Variants in OR2L3 observed in about 807,000 individuals in gnomAD.
OR2L3 encodes olfactory receptor 2L3.
For missense variants in OR2L3, 369 were observed against 376.6 expected, an observed-to-expected ratio of 0.98 and a Z score of 0.17; for synonymous variants, 131 against 139.1, an observed-to-expected ratio of 0.94 and a Z score of 0.41.
chr1:248,051,869 G>T (rs1358065575), intron 1 of OR2L3, among the ~76,000 whole-genome samples: 2 of 152,078 alleles, frequency 1.3e-5, no homozygotes, highest in Non-Finnish European at 2.9e-5. Flanking sequence ...TTACAATGCA[G>T]ATGGTTCCAG....
chr1:248,054,119 T>A (rs1017928524), intron 1 of OR2L3, among the ~76,000 whole-genome samples: 1 of 152,198 alleles, frequency 6.6e-6, no homozygotes, highest in East Asian at 1.9e-4. Context: ...TAATCCATCT[T>A]GAGTTAATTT....
chr1:248,053,650 C>T (rs1663345438), intron 1 of OR2L3, among the ~76,000 whole-genome samples: 1 of 152,178 alleles, frequency 6.6e-6, no homozygotes, highest in South Asian at 2.1e-4. Context: ...AATTGCCATT[C>T]TGATCGGCAG....
At chr1:248,049,877 A>T (rs1165690486) in intron 1 of OR2L3, among the ~76,000 whole-genome samples, 2 of 152,176 alleles carry the variant, frequency 1.3e-5, no homozygotes, top group Non-Finnish European at 2.9e-5. Context: ...ATTTATCTAG[A>T]TGTCACATTT....
Position 248,060,658 on chromosome 1 carries a change from C to T in OR2L3, c.-21-3C>T. The T allele has an allele frequency of 1.3e-6, 2 of 1,576,284 alleles. No individual in the cohort carries two copies. The highest frequency in any genetic ancestry group is 1.7e-6 in the Non-Finnish European group (2 of 1,152,630). On this transcript the variant is annotated splice_region_variant and splice_polypyrimidine_tract_variant and intron_variant, in intron 1 of 1. Coordinates refer to ENST00000359959, the MANE Select transcript of OR2L3 (RefSeq NM_001004687.2). ...CTTAACTTACCCTTGTGTCTCCCTTCAGGAAAGAGCACACGAATGCCCCAT... is the reference window on the plus strand; with the variant it reads ...CTTAACTTACCCTTGTGTCTCCCTTTAGGAAAGAGCACACGAATGCCCCAT...
intron 1 of OR2L3, among the ~76,000 whole-genome samples, chr1:248,057,493 T>G (rs1335151100): frequency 1.3e-5 from 2 of 152,202 alleles, no homozygotes; most frequent in Non-Finnish European, 2.9e-5. Flanking sequence ...GCTTGGTAAA[T>G]TTTTCTCTAT....
chr1:248,049,121 TC>T (rs748907607), intron 1 of OR2L3, among the ~76,000 whole-genome samples: 2 of 152,178 alleles, frequency 1.3e-5, no homozygotes, highest in Non-Finnish European at 2.9e-5. Context: ...AAGACGACCA[TC>T]CTCCTTGGTT....
At chr1:248,056,220 G>A (rs1293103241) in intron 1 of OR2L3, among the ~76,000 whole-genome samples, 1 of 151,900 alleles carries the variant, frequency 6.6e-6, no homozygotes, top group Middle Eastern at 3.4e-3. Flanking sequence ...TGTGTACAAC[G>A]TGCAGGTTAG....
At chr1:248,054,676 C>A (rs1196338977) in intron 1 of OR2L3, among the ~76,000 whole-genome samples, 4 of 152,054 alleles carry the variant, frequency 2.6e-5, no homozygotes, top group African/African-American at 9.7e-5. Flanking sequence ...TAGCTGTATT[C>A]CCAGGTATTT....
At chr1:248,048,165 T>C (rs566515148) in intron 1 of OR2L3, among the ~76,000 whole-genome samples, 1 of 152,304 alleles carries the variant, frequency 6.6e-6, no homozygotes, top group Non-Finnish European at 1.5e-5. Flanking sequence ...TGTATCTATC[T>C]GTGAGAGCTG....
At chr1:248,052,004 T>C (rs1381923969) in intron 1 of OR2L3, among the ~76,000 whole-genome samples, 1 of 152,198 alleles carries the variant, frequency 6.6e-6, no homozygotes, top group Non-Finnish European at 1.5e-5. Flanking sequence ...ATGATGACTT[T>C]ATGCAGATAT....
rs1663659870 is a variant in OR2L3 at position 248,061,934 on chromosome 1, G to A, written c.*314G>A. The A allele has an allele frequency of 1.9e-5, 4 of 215,728 alleles. No homozygotes were observed. Among genetic ancestry groups the A allele is most frequent in the Non-Finnish European group, 3.7e-5 (4 of 108,896 alleles). 13.4% of individuals were successfully genotyped at this position (215,728 alleles called of 1,614,324 possible). ...TTGGTCTAACTGAAGTTGGCACTCA[G>A]CATAACAATTTCCTTATGGTCAGTT... On this transcript the variant is annotated 3_prime_UTR_variant, in exon 2 of 2. Transcript: ENST00000359959.
intron 1 of OR2L3, among the ~76,000 whole-genome samples, chr1:248,050,451 C>T (rs553341286): frequency 6.6e-6 from 1 of 152,134 alleles, no homozygotes; most frequent in African/African-American, 2.4e-5. Flanking sequence ...GCTTTCCTGT[C>T]AGGAACCAGC....
intron 1 of OR2L3, among the ~76,000 whole-genome samples, chr1:248,050,535 A>C (rs1348281014): frequency 2.0e-5 from 3 of 152,122 alleles, no homozygotes; most frequent in African/African-American, 7.2e-5. Context: ...GATAATAAAA[A>C]GATGATACAT....
At chr1:248,048,246 T>A (rs59700424) in intron 1 of OR2L3, among the ~76,000 whole-genome samples, 6,377 of 152,256 alleles carry the variant, frequency 0.042, 438 homozygotes, top group African/African-American at 0.14. Context: ...AAGCAAATAT[T>A]CACTTTATAT....
rs1399277267 is a variant in OR2L3, at chr1:248,047,471, T to C, written c.-22+591T>C. ...AAATCACCAGTCTTCAGTGCAATGATATATTTTCTTAAAAGAAGGATGTTC... is the reference window on the plus strand; with the variant it reads ...AAATCACCAGTCTTCAGTGCAATGACATATTTTCTTAAAAGAAGGATGTTC... On this transcript the variant is annotated intron_variant, in intron 1 of 1. Transcript: ENST00000359959. 3.3e-5 allele frequency among the ~76,000 whole-genome samples: 5 copies of C among 152,326 alleles called. No individual in the cohort carries two copies. In the East Asian group the frequency reaches 9.6e-4, roughly 29 times the overall value.
At chr1:248,054,756 G>A (rs971209691) in intron 1 of OR2L3, among the ~76,000 whole-genome samples, 1 of 152,222 alleles carries the variant, frequency 6.6e-6, no homozygotes, top group Admixed American at 6.5e-5. Flanking sequence ...TGTTGCTGGA[G>A]TGTAGGATTG....
Position 248,061,781 on chromosome 1 carries a change from G to GTA in OR2L3, c.*168_*169dup, listed in dbSNP as rs1324262610. 2 of 597,468 alleles carry GTA rather than the reference G, an allele frequency of 3.3e-6. No homozygotes were observed. The highest frequency in any genetic ancestry group is 5.4e-6 in the Non-Finnish European group (2 of 367,872). 37.0% of individuals were successfully genotyped at this position (597,468 alleles called of 1,614,324 possible). On this transcript the variant is annotated 3_prime_UTR_variant, in exon 2 of 2. Coordinates refer to ENST00000359959, the MANE Select transcript of OR2L3 (RefSeq NM_001004687.2). ...GGACAAAATTGTTTTACATATATAT[G>GTA]TATATATAACTCCAAACAACCTTTT...
intron 1 of OR2L3, among the ~76,000 whole-genome samples, chr1:248,050,110 C>T (rs1663212007): frequency 6.6e-6 from 1 of 152,094 alleles, no homozygotes; most frequent in Non-Finnish European, 1.5e-5. Context: ...TGAAAGTTCA[C>T]GCCTCCCTCC....
rs893381223 is a variant in OR2L3, at chr1:248,062,329, G to C, written c.*709G>C. 2.0e-5 allele frequency: 3 copies of C among 152,200 alleles called. No individual in the cohort carries two copies. Among genetic ancestry groups the C allele is most frequent in the Admixed American group, 6.5e-5 (1 of 15,276 alleles). 9.4% of individuals were successfully genotyped at this position (152,200 alleles called of 1,614,324 possible). ...TTAGGTCTTTAACCTGTTTTGAGTT[G>C]ATTTGGATATAGTGTAATGACTGGG... On this transcript the variant is annotated 3_prime_UTR_variant, in exon 2 of 2. Transcript: ENST00000359959.
Sources: gnomAD v4.1 joint callset for allele counts (sites outside exome capture counted in the v4.1 genomes callset) on GRCh38, gnomAD v4.1.1 for gene constraint, MANE v1.5 for transcripts, NCBI Gene and HGNC (gene_info 2026-07-23, HGNC 2026-07-21) for gene names.